AZIN1: variants seen among roughly 807,000 people sequenced by gnomAD.
AZIN1 encodes antizyme inhibitor 1.
A neutral mutation model predicts 47.4 loss-of-function variants in AZIN1; 12 were observed. That is an observed-to-expected ratio of 0.25 (90% CI 0.16 to 0.41). The LOEUF (loss-of-function observed/expected upper bound fraction) is 0.41. Ranked by LOEUF, AZIN1 falls within the 10% of genes least tolerant of loss-of-function variation. The probability of loss-of-function intolerance (pLI) is 1.00; values close to 1 mark genes in which losing one functional copy is unlikely to be tolerated. For synonymous variants in AZIN1, 155 were observed against 176.3 expected, an observed-to-expected ratio of 0.88 and a Z score of 0.96; for missense variants, 410 against 532.4, an observed-to-expected ratio of 0.77 and a Z score of 2.26.
intron 1 of AZIN1, among the ~76,000 whole-genome samples, chr8:102,862,078 C>T (rs1394825359): frequency 6.6e-6 from 1 of 151,010 alleles, no homozygotes; most frequent in East Asian, 1.9e-4. Context: ...GACTGGAAGA[C>T]GATTTGAAAG....
intron 2 of AZIN1, among the ~76,000 whole-genome samples, chr8:102,851,884 C>T (rs1812938595): frequency 6.6e-6 from 1 of 152,142 alleles, no homozygotes; most frequent in African/African-American, 2.4e-5. Flanking sequence ...AGTCCTTATT[C>T]CACTGGCTGG....
intron 2 of AZIN1, among the ~76,000 whole-genome samples, chr8:102,853,770 CAA>C (rs1440952726): frequency 6.7e-6 from 1 of 149,144 alleles, no homozygotes; most frequent in African/African-American, 2.5e-5. Flanking sequence ...TCTTTTTGGT[CAA>C]AGAGTATCAA....
At chr8:102,836,093 T>C (rs1811805535) in intron 6 of AZIN1, among the ~76,000 whole-genome samples, 163 bp downstream of exon 6, 1 of 152,208 alleles carries the variant, frequency 6.6e-6, no homozygotes, top group Admixed American at 6.5e-5. Context: ...CATATTTAAG[T>C]TGTTTTGCCT....
chr8:102,855,424 T>C (rs1287031421), intron 2 of AZIN1: 2 of 152,212 alleles, frequency 1.3e-5, no homozygotes, highest in Non-Finnish European at 2.9e-5. Context: ...ATCTTTGATA[T>C]TGACCTTAAA....
chr8:102,862,047 G>T (rs1813702146), intron 1 of AZIN1, among the ~76,000 whole-genome samples: 4 of 151,416 alleles, frequency 2.6e-5, no homozygotes, highest in Admixed American at 2.6e-4. Context: ...AAAAAACCAA[G>T]ATCGTGGTTG....
At chr8:102,859,386 C>T (rs1270872097) in intron 1 of AZIN1, among the ~76,000 whole-genome samples, 2 of 152,184 alleles carry the variant, frequency 1.3e-5, no homozygotes, top group African/African-American at 4.8e-5. Context: ...ATCTTTTTCT[C>T]AATACATATA....
chr8:102,834,191 C>T lies in AZIN1; in HGVS notation c.739G>A (p.Glu247Lys). 2.5e-6 allele frequency: 4 copies of T among 1,611,952 alleles called. No homozygotes were observed. The highest frequency in any genetic ancestry group is 3.4e-6 in the Non-Finnish European group (4 of 1,178,898). Residue 247 changes from glutamate (E) to lysine (K), a missense_variant and splice_region_variant, in exon 8 of 12, where the codon GAG becomes AAG. Around this residue, in one of 3 missense-constraint regions of AZIN1, gnomAD observed 237 missense variants for 309.4 expected, o/e 0.77. Transcript: ENST00000337198. ...ATGTCATCTACTGAGAAGTTTACCT[C>T]TTCCAATTGAAATTCAGTTCCCGTG... ...GFTGTEFQLE[E>K]VNHVISPLLD...
At chr8:102,857,572 C>T (rs2131282836) in intron 2 of AZIN1, among the ~76,000 whole-genome samples, 1 of 151,928 alleles carries the variant, frequency 6.6e-6, no homozygotes, top group South Asian at 2.1e-4. Flanking sequence ...TATTTTAATA[C>T]CATATACATA....
chr8:102,850,225 T>G (rs1202539501), intron 2 of AZIN1: 1 of 152,138 alleles, frequency 6.6e-6, no homozygotes, highest in Non-Finnish European at 1.5e-5. Context: ...CCTTAATACA[T>G]CAACCATTTT....
chr8:102,847,309 G>GT (rs907661841), intron 2 of AZIN1, among the ~76,000 whole-genome samples: 2 of 145,954 alleles, frequency 1.4e-5, no homozygotes, highest in Non-Finnish European at 3.0e-5. Context: ...GAGGCCAGAA[G>GT]TTTGAGATCA....
Position 102,827,067 on chromosome 8 carries a change from TA to T in AZIN1, c.*1499del, listed in dbSNP as rs1414682917. 2 of 152,612 alleles carry T rather than the reference TA, an allele frequency of 1.3e-5. No individual in the cohort carries two copies. The highest frequency in any genetic ancestry group is 2.9e-5 in the Non-Finnish European group (2 of 68,034). 9.5% of individuals were successfully genotyped at this position (152,612 alleles called of 1,614,324 possible). A position where few individuals can be genotyped will look rare whatever the true frequency, so the allele number is the denominator to read the frequency against. The stretch of plus-strand genomic sequence containing the variant: ...TTCTTTCCACCTCGAAATCAAGGTG[TA>T]AAAACCAGCTATTAAGTGCATTCCA... On this transcript the variant is annotated 3_prime_UTR_variant, in exon 12 of 12. Coordinates refer to ENST00000337198, the MANE Select transcript of AZIN1 (RefSeq NM_148174.4).
chr8:102,838,674 C>T (rs935225757), intron 5 of AZIN1, 70 bp downstream of exon 5: 2 of 1,318,902 alleles, frequency 1.5e-6, no homozygotes, highest in African/African-American at 2.9e-5. Flanking sequence ...CTCCTTTCTT[C>T]CCAGACAAAA....
chr8:102,829,967 T>A (rs1275953071), intron 9 of AZIN1, 31 bp from the exon 10 acceptor site: 2 of 1,403,384 alleles, frequency 1.4e-6, no homozygotes. Flanking sequence ...GGAAAATGAA[T>A]TTTTAATAAA....
intron 2 of AZIN1, among the ~76,000 whole-genome samples, chr8:102,856,492 C>T (rs1813303063): frequency 6.6e-6 from 1 of 152,194 alleles, no homozygotes; most frequent in South Asian, 2.1e-4. Context: ...ATTCAGCTCA[C>T]TGACAATAGT....
chr8:102,828,821 C>A (rs1020362749), intron 11 of AZIN1, 143 bp from the exon 12 acceptor site: 1 of 596,712 alleles, frequency 1.7e-6, no homozygotes, highest in African/African-American at 1.9e-5. Flanking sequence ...TAGTCATGCA[C>A]TGCAGAGTGA....
Position 102,829,499 on chromosome 8 carries a change from T to C in AZIN1, c.1021-13A>G. On this transcript the variant is annotated splice_polypyrimidine_tract_variant and intron_variant, in intron 10 of 11. Coordinates refer to ENST00000337198, the MANE Select transcript of AZIN1 (RefSeq NM_148174.4). ...CTTCCTTGTATTTCTGTAGGAAAAG[T>C]TTTACAATTTAATTTTTACTCATAC... 6.3e-7 allele frequency: 1 copy of C among 1,585,878 alleles called. No individual in the cohort carries two copies. The highest frequency in any genetic ancestry group is 8.6e-7 in the Non-Finnish European group (1 of 1,167,444).
In AZIN1 at chr8:102,847,908, A is replaced by C. The variant is rs528392243; in HGVS notation, c.-95-4161T>G. Reference sequence around the variant, plus strand: ...CTCTGTCCAGCTCTTTCACATTCTTAAAAGAAGCCCGTAACTTTGATATGC... The same window carrying C: ...CTCTGTCCAGCTCTTTCACATTCTTCAAAGAAGCCCGTAACTTTGATATGC... On this transcript the variant is annotated intron_variant, in intron 2 of 11. Coordinates refer to ENST00000337198, the MANE Select transcript of AZIN1 (RefSeq NM_148174.4). Among the ~76,000 whole-genome samples the C allele has an allele frequency of 3.3e-5, 5 of 152,306 alleles. No individual in the cohort carries two copies. In the South Asian group the frequency reaches 1.0e-3, roughly 32 times the overall value.
intron 4 of AZIN1, 39 bp from the exon 5 acceptor site, chr8:102,838,955 C>T: frequency 6.4e-7 from 1 of 1,563,464 alleles, no homozygotes; most frequent in East Asian, 2.3e-5. Flanking sequence ...CATAATGTCA[C>T]AGTTCATATT....
intron 2 of AZIN1, among the ~76,000 whole-genome samples, chr8:102,848,170 T>C (rs1328807864): frequency 6.6e-6 from 1 of 152,188 alleles, no homozygotes; most frequent in African/African-American, 2.4e-5. Flanking sequence ...TGTCGTAGGC[T>C]GTACTATCTA....
Sources: allele counts gnomAD v4.1 joint callset (sites outside exome capture counted in the v4.1 genomes callset), GRCh38; gene constraint gnomAD v4.1.1; regional missense constraint gnomAD v4.1.1; transcripts MANE v1.5; gene names NCBI Gene and HGNC (gene_info 2026-07-23, HGNC 2026-07-21).